The following APBB2 variants were observed in gnomAD, a reference collection of about 807,000 sequenced individuals.
APBB2 encodes the protein amyloid beta precursor protein binding family B member 2, also known as Fe65-like 1.
In APBB2, 38 loss-of-function variants were observed where a neutral mutation model predicts 82.5. The ratio of observed to expected loss-of-function variants is 0.46; its 90% CI spans 0.36 to 0.60. The LOEUF (loss-of-function observed/expected upper bound fraction) is 0.60. APBB2 is among the 20% of genes least tolerant of loss of function. The pLI, the probability that APBB2 is intolerant of heterozygous loss-of-function variation, is 0.00. For missense variants in APBB2, 772 were observed against 972.3 expected, an observed-to-expected ratio of 0.79 and a Z score of 2.74; for synonymous variants, 341 against 368.2, an observed-to-expected ratio of 0.93 and a Z score of 0.85.
At chr4:41,005,161 A>G (rs1397157648) in intron 6 of APBB2, among the ~76,000 whole-genome samples, 2 of 151,498 alleles carry the variant, frequency 1.3e-5, no homozygotes, top group East Asian at 3.9e-4. Context: ...GGCCAATCTC[A>G]GCTCACTGCA....
intron 6 of APBB2, among the ~76,000 whole-genome samples, chr4:40,961,110 A>G (rs1416082394): frequency 6.6e-6 from 1 of 152,190 alleles, no homozygotes; most frequent in African/African-American, 2.4e-5. Flanking sequence ...CAGAGCCATC[A>G]TATTAGTGGA....
chr4:41,208,833 T>C lies in APBB2; in HGVS notation c.-417+5572A>G, dbSNP rs114915816. 9.7e-3 allele frequency among the ~76,000 whole-genome samples: 1,482 copies of C among 152,350 alleles called. 26 individuals are homozygous for C. The highest frequency in any genetic ancestry group is 0.035 in the African/African-American group (1,436 of 41,578). Reference sequence around the variant, plus strand: ...TCTTTCCATGTTCTCTTCTCGTATTTGTCCATGTGAATCTGTACATTTTAT... The same window carrying C: ...TCTTTCCATGTTCTCTTCTCGTATTCGTCCATGTGAATCTGTACATTTTAT... On this transcript the variant is annotated intron_variant, in intron 1 of 17. Transcript: ENST00000508593.
intron 6 of APBB2, among the ~76,000 whole-genome samples, chr4:40,992,849 G>A (rs1167465550): frequency 6.6e-6 from 1 of 152,156 alleles, no homozygotes; most frequent in Non-Finnish European, 1.5e-5. Context: ...GCCGGATGGA[G>A]ATAGGCCGGC....
intron 12 of APBB2, among the ~76,000 whole-genome samples, chr4:40,851,780 T>C (rs1286117972): frequency 7.0e-6 from 1 of 143,712 alleles, no homozygotes; most frequent in African/African-American, 2.6e-5. Flanking sequence ...CAAAGTTATC[T>C]CAAAACTCAA....
intron 10 of APBB2, among the ~76,000 whole-genome samples, chr4:40,906,685 G>C (rs1227538684): frequency 2.0e-5 from 3 of 152,026 alleles, no homozygotes; most frequent in Non-Finnish European, 4.4e-5. Flanking sequence ...GAGGGACTCT[G>C]CATCTTTTTT....
intron 6 of APBB2, among the ~76,000 whole-genome samples, chr4:40,956,006 T>A (rs1490246662): frequency 6.6e-6 from 1 of 152,116 alleles, no homozygotes; most frequent in Non-Finnish European, 1.5e-5. Flanking sequence ...ACTCCCGACG[T>A]CATGTGATCC....
At chr4:40,854,650 G>C (rs2017777) in intron 12 of APBB2, among the ~76,000 whole-genome samples, 56,831 of 151,964 alleles carry the variant, frequency 0.37, 11,711 homozygotes, top group Non-Finnish European at 0.47. Context: ...TTAGCCATGT[G>C]TGGTGGCGGG....
chr4:41,183,742 A>G (rs62410019), intron 1 of APBB2, among the ~76,000 whole-genome samples: 1 of 151,022 alleles, frequency 6.6e-6, no homozygotes, highest in African/African-American at 2.4e-5. Flanking sequence ...GTAAAACAAT[A>G]ATTTGTGTTG....
At chr4:40,819,385 C>A (rs542837172) in intron 17 of APBB2, among the ~76,000 whole-genome samples, 2 of 151,800 alleles carry the variant, frequency 1.3e-5, no homozygotes, top group Admixed American at 1.3e-4. Context: ...TGGGTTTCAC[C>A]ATGTTGGCCA....
Position 40,881,528 on chromosome 4 carries a change from C to CTTTTTTTTTTTTTTTTTT in APBB2, c.1529+8835_1529+8836insAAAAAAAAAAAAAAAAAA, listed in dbSNP as rs148967363. Reference sequence around the variant, plus strand: ...TTTCTTTCCTTTTATCTTTTCTTTTCTTTTTCTTTTTTTTTTTTTTTTTGA... The same window carrying CTTTTTTTTTTTTTTTTTT: ...TTTCTTTCCTTTTATCTTTTCTTTTCTTTTTTTTTTTTTTTTTTTTTTTCTTTTTTTTTTTTTTTTTGA... On this transcript the variant is annotated intron_variant, in intron 12 of 17. Transcript: ENST00000508593. 1.8e-4 allele frequency: 28 copies of CTTTTTTTTTTTTTTTTTT among 154,430 alleles called. 3 individuals carry two copies. The East Asian group carries it at 2.6e-3, about 14-fold the overall frequency. 9.6% of individuals were successfully genotyped at this position (154,430 alleles called of 1,614,324 possible). A position where few individuals can be genotyped will look rare whatever the true frequency, so the allele number is the denominator to read the frequency against.
At chr4:41,033,832 T>C (rs1310724982) in intron 4 of APBB2, among the ~76,000 whole-genome samples, 1 of 152,160 alleles carries the variant, frequency 6.6e-6, no homozygotes, top group East Asian at 1.9e-4. Flanking sequence ...AACAAGTCTG[T>C]AGGAGAATAA....
chr4:41,126,197 T>C (rs185514120), intron 2 of APBB2, among the ~76,000 whole-genome samples: 3 of 142,614 alleles, frequency 2.1e-5, no homozygotes, highest in East Asian at 2.1e-4. Flanking sequence ...CTGGGCAACA[T>C]AGTGAGATCG....
intron 13 of APBB2, among the ~76,000 whole-genome samples, chr4:40,827,727 T>C (rs549008578): frequency 2.6e-5 from 4 of 152,272 alleles, no homozygotes; most frequent in African/African-American, 9.6e-5. Context: ...GTTAACAGTA[T>C]TTGTCTCAGA....
At chr4:40,900,123 G>A (rs1269513968) in intron 10 of APBB2, among the ~76,000 whole-genome samples, 1 of 152,224 alleles carries the variant, frequency 6.6e-6, no homozygotes, top group African/African-American at 2.4e-5. Flanking sequence ...AAGCTAAAAT[G>A]TGGCCCGACA....
intron 1 of APBB2, among the ~76,000 whole-genome samples, chr4:41,209,097 T>G (rs897149932): frequency 6.6e-6 from 1 of 152,110 alleles, no homozygotes; most frequent in Non-Finnish European, 1.5e-5. Context: ...CCAGCTCTCA[T>G]CTAATGTCTG....
chr4:40,908,238 G>A (rs1460676990), intron 10 of APBB2, among the ~76,000 whole-genome samples: 1 of 152,126 alleles, frequency 6.6e-6, no homozygotes, highest in Non-Finnish European at 1.5e-5. Context: ...TGCTTTCACA[G>A]TGACCTTGGG....
At chr4:41,068,803 T>C (rs2153897772) in intron 3 of APBB2, among the ~76,000 whole-genome samples, 2 of 143,656 alleles carry the variant, frequency 1.4e-5, no homozygotes, top group East Asian at 4.0e-4. Flanking sequence ...TTTTTTTTTT[T>C]TTTTTTTTTT....
chr4:40,884,512 C>T (rs566359469), intron 12 of APBB2, among the ~76,000 whole-genome samples: 2 of 152,118 alleles, frequency 1.3e-5, no homozygotes, highest in Non-Finnish European at 2.9e-5. Context: ...CACAGGGGCT[C>T]GCACCTGCTA....
At chr4:40,935,860 T>C (rs1408924154) in intron 7 of APBB2, among the ~76,000 whole-genome samples, 1 of 152,232 alleles carries the variant, frequency 6.6e-6, no homozygotes, top group Admixed American at 6.5e-5. Context: ...AGCCTGGCTT[T>C]GTTGCGAGAG....
Sources: gnomAD v4.1 joint callset for allele counts (sites outside exome capture counted in the v4.1 genomes callset) on GRCh38, gnomAD v4.1.1 for gene constraint, MANE v1.5 for transcripts, NCBI Gene and HGNC (gene_info 2026-07-23, HGNC 2026-07-21) for gene names.